Variants in TRMT2B observed in about 807,000 individuals in gnomAD.
TRMT2B encodes tRNA methyltransferase 2B, also known as tRNA (uracil-5-)-methyltransferase homolog B.
Under a neutral mutation model 39.7 loss-of-function variants are expected in TRMT2B, and 34 were observed. The observed-to-expected ratio is 0.86, with a 90% CI of 0.65 to 1.14. The LOEUF (loss-of-function observed/expected upper bound fraction) is 1.14. Among genes scored for constraint, TRMT2B ranks in the 50% most tolerant of loss-of-function variants. TRMT2B has a pLI of 0.00. For missense variants in TRMT2B, 318 were observed against 377.2 expected, an observed-to-expected ratio of 0.84 and a Z score of 1.30; for synonymous variants, 132 against 137.3, an observed-to-expected ratio of 0.96 and a Z score of 0.27.
At chrX:101,025,438 A>C in intron 7 of TRMT2B, among the ~76,000 whole-genome samples, 1 of 111,365 alleles carries the variant, frequency 9.0e-6, no homozygotes, top group East Asian at 2.8e-4. Context: ...ACACCATCTG[A>C]TTTACTAGGT....
In TRMT2B at chrX:101,042,209, T is replaced by C; in HGVS notation, c.81A>G (p.Gly27=). ...GATTTCTGGCATACCAGGGAAGCAG[T>C]CCTGGTTTGGAGAAGAGACCCACCA... ...ISMVGLFSKP[G]LLPWYARNPP... Residue 27 remains glycine (G), a synonymous_variant, in exon 3 of 14, where the codon GGA becomes GGG. Transcript: ENST00000372936. 1 of 1,211,799 alleles carries C rather than the reference T, an allele frequency of 8.3e-7. No individual in the cohort carries two copies. The highest frequency in any genetic ancestry group is 1.1e-6 in the Non-Finnish European group (1 of 895,363).
intron 13 of TRMT2B, among the ~76,000 whole-genome samples, chrX:101,012,800 A>G (rs2086323315): frequency 9.2e-6 from 1 of 109,274 alleles, no homozygotes. Context: ...TTGTAGGGAC[A>G]TGGATGAAAT....
intron 7 of TRMT2B, among the ~76,000 whole-genome samples, chrX:101,029,111 C>T (rs1232614273): frequency 8.9e-6 from 1 of 111,867 alleles, no homozygotes; most frequent in East Asian, 2.8e-4. Flanking sequence ...TCCTACTATT[C>T]TTCCTCTTAT....
chrX:101,041,301 T>A lies in TRMT2B; in HGVS notation c.303+16A>T, dbSNP rs1313502922. On this transcript the variant is annotated intron_variant, in intron 4 of 13. Transcript: ENST00000372936. ...CTCCTGGAAAGGAGGGGTAAAGACT[T>A]AGGCTGGGCACCTACCTTGAGCTGT... 5.0e-6 allele frequency: 6 copies of A among 1,207,192 alleles called. No individual in the cohort carries two copies. The South Asian group carries it at 8.9e-5, about 18-fold the overall frequency.
At chrX:101,042,335 G>A (rs1297363503) in intron 2 of TRMT2B, 23 bp from the exon 3 acceptor site, 2 of 1,177,794 alleles carry the variant, frequency 1.7e-6, no homozygotes, top group Non-Finnish European at 2.3e-6. Context: ...TACACATACA[G>A]AGGTTGGGAA....
At chrX:101,000,660 A>G in the TRMT2B span, among the ~76,000 whole-genome samples, 1 of 110,182 alleles carries the variant, frequency 9.1e-6, no homozygotes, top group Non-Finnish European at 1.9e-5. Context: ...TGGCCTATGT[A>G]TTACCCAACT....
the TRMT2B span, among the ~76,000 whole-genome samples, chrX:100,974,388 C>G: frequency 2.7e-5 from 3 of 109,890 alleles, no homozygotes; most frequent in East Asian, 8.6e-4. Flanking sequence ...CTCTCTCCCC[C>G]TTCCCTCCCT....
the TRMT2B span, chrX:100,974,237 C>T: frequency 4.0e-6 from 4 of 995,661 alleles, no homozygotes; most frequent in Non-Finnish European, 5.6e-6. Context: ...GTGGGTCTCC[C>T]ATGGACCCCA....
At chrX:100,989,286 G>A in the TRMT2B span, among the ~76,000 whole-genome samples, 2 of 111,289 alleles carry the variant, frequency 1.8e-5, no homozygotes, top group Non-Finnish European at 3.8e-5. Context: ...AGGCCAAGGT[G>A]CCTTTCCTTT....
chrX:100,974,160 C>T, the TRMT2B span: 2 of 1,193,193 alleles, frequency 1.7e-6, no homozygotes, highest in South Asian at 1.8e-5. Context: ...GCTTGAACAA[C>T]TCTGGCAAAA....
the TRMT2B span, among the ~76,000 whole-genome samples, chrX:100,996,660 T>C: frequency 8.9e-6 from 1 of 112,042 alleles, no homozygotes; most frequent in South Asian, 3.7e-4. Context: ...AATTCCTTCC[T>C]AACTCCAAGC....
At chrX:101,038,872 C>T (rs1234289169) in intron 4 of TRMT2B, among the ~76,000 whole-genome samples, 1 of 111,270 alleles carries the variant, frequency 9.0e-6, no homozygotes, top group Non-Finnish European at 1.9e-5. Context: ...ACTTCAGCCT[C>T]CCAAGTAGCT....
rs775853597 is a variant in TRMT2B at position 101,042,067 on chromosome X, G to A, written c.223C>T (p.Pro75Ser). The A allele has an allele frequency of 2.7e-5, 33 of 1,210,384 alleles. No homozygotes were observed. The highest frequency in any genetic ancestry group is 3.5e-5 in the South Asian group (2 of 56,867). Reference protein sequence around the residue: ...KSQKKPSHLGPLDGSWQERLA... With the variant: ...KSQKKPSHLGSLDGSWQERLA... ...CTTTCCTGCCAGGAACCATCTAGTG[G>A]TCCAAGATGGCTTGGTTTCTTCTGA... is the stretch of plus-strand genomic sequence containing the variant. The change falls in exon 3 of 14, where the codon CCA becomes TCA. Residue 75 changes from proline (P) to serine (S), a missense_variant. Transcript: ENST00000372936.
At chrX:101,016,262 C>A (rs890665776) in intron 13 of TRMT2B, among the ~76,000 whole-genome samples, 2 of 110,847 alleles carry the variant, frequency 1.8e-5, no homozygotes. Flanking sequence ...AAAGCCCCAC[C>A]CCCAGACCAA....
At chrX:101,015,915 C>G (rs767793957) in intron 13 of TRMT2B, among the ~76,000 whole-genome samples, 1 of 110,514 alleles carries the variant, frequency 9.0e-6, no homozygotes, top group African/African-American at 3.3e-5. Context: ...ACTAAAAACA[C>G]AAAAATTAGC....
At chrX:101,039,279 C>A (rs755735783) in intron 4 of TRMT2B, among the ~76,000 whole-genome samples, 33 of 110,566 alleles carry the variant, frequency 3.0e-4, no homozygotes, top group Non-Finnish European at 5.3e-4. Flanking sequence ...ACCATGTTAG[C>A]CAGGATGGTC....
intron 2 of TRMT2B, among the ~76,000 whole-genome samples, chrX:101,049,783 CAAA>C (rs60650761): frequency 6.0e-5 from 5 of 82,919 alleles, no homozygotes; most frequent in Admixed American, 1.4e-4. Context: ...GACTCCTTCT[CAAA>C]AAAAAAAAAA....
chrX:100,986,564 T>C, the TRMT2B span, among the ~76,000 whole-genome samples: 1 of 112,223 alleles, frequency 8.9e-6, no homozygotes, highest in Non-Finnish European at 1.9e-5. Context: ...AAATGAGCCC[T>C]GGGGGGACTA....
At chrX:101,040,937 C>T (rs1346836484) in intron 4 of TRMT2B, among the ~76,000 whole-genome samples, 4 of 111,740 alleles carry the variant, frequency 3.6e-5, no homozygotes, top group Non-Finnish European at 5.6e-5. Context: ...AGGCCCGGCG[C>T]GGTGGCTCAC....
Sources: gnomAD v4.1 joint callset for allele counts (sites outside exome capture counted in the v4.1 genomes callset) on GRCh38, gnomAD v4.1.1 for gene constraint, MANE v1.5 for transcripts, NCBI Gene and HGNC (gene_info 2026-07-23, HGNC 2026-07-21) for gene names.